Variants in ULK4 observed in about 807,000 individuals in gnomAD.
ULK4 encodes the protein unc-51 like kinase 4.
A neutral mutation model predicts 160.6 loss-of-function variants in ULK4; 133 were observed. That is an observed-to-expected ratio of 0.83 (90% CI 0.72 to 0.96). The LOEUF is 0.96. ULK4 is among the 40% of genes least tolerant of loss of function. The pLI is 0.00. For missense variants in ULK4, 1,580 were observed against 1,499.5 expected, an observed-to-expected ratio of 1.05 and a Z score of -0.89; for synonymous variants, 534 against 539.8, an observed-to-expected ratio of 0.99 and a Z score of 0.15.
intron 34 of ULK4, among the ~76,000 whole-genome samples, chr3:41,441,548 T>TTTAC (rs2083169667): frequency 6.6e-6 from 1 of 152,142 alleles, no homozygotes; most frequent in African/African-American, 2.4e-5. Flanking sequence ...TTTACATATG[T>TTTAC]ATAAATTTAT....
intron 36 of ULK4, 119 bp downstream of exon 36, chr3:41,249,370 G>A (rs2078701891): frequency 2.2e-6 from 2 of 898,584 alleles, no homozygotes; most frequent in African/African-American, 1.7e-5. Flanking sequence ...GGACAGTGAT[G>A]GGCTGGAAGG....
At chr3:41,816,936 C>G (rs532389836) in intron 19 of ULK4, among the ~76,000 whole-genome samples, 1 of 152,164 alleles carries the variant, frequency 6.6e-6, no homozygotes, top group Non-Finnish European at 1.5e-5. Context: ...TGCGCACACA[C>G]AGAGCCCAGA....
intron 21 of ULK4, among the ~76,000 whole-genome samples, chr3:41,763,447 G>A (rs1324408495): frequency 6.6e-6 from 1 of 152,096 alleles, no homozygotes; most frequent in East Asian, 1.9e-4. Context: ...AGATAGCAAA[G>A]ATAAACAAGA....
chr3:41,514,160 T>C (rs2085676359), intron 32 of ULK4, among the ~76,000 whole-genome samples: 1 of 152,014 alleles, frequency 6.6e-6, no homozygotes, highest in African/African-American at 2.4e-5. Flanking sequence ...GAGGAAGAGG[T>C]AGATTTTGCT....
At chr3:41,680,434 G>A (rs2035887722) in intron 29 of ULK4, among the ~76,000 whole-genome samples, 2 of 152,132 alleles carry the variant, frequency 1.3e-5, no homozygotes, top group African/African-American at 2.4e-5. Flanking sequence ...GGCTCCCCCA[G>A]AGAGCCAAAG....
chr3:41,312,267 G>A (rs75863460), intron 35 of ULK4, among the ~76,000 whole-genome samples: 3,325 of 152,070 alleles, frequency 0.022, 85 homozygotes, highest in African/African-American at 0.068. Flanking sequence ...GAGCCACCAC[G>A]CCAGGCTGAA....
chr3:41,574,280 G>T (rs1474008047), intron 31 of ULK4, among the ~76,000 whole-genome samples: 7 of 151,988 alleles, frequency 4.6e-5, no homozygotes, highest in African/African-American at 1.7e-4. Flanking sequence ...CTTTCAATTG[G>T]AGGTCCCACA....
At chr3:41,680,176 A>G (rs943452044) in intron 29 of ULK4, among the ~76,000 whole-genome samples, 18 of 152,274 alleles carry the variant, frequency 1.2e-4, no homozygotes, top group East Asian at 3.8e-4. Flanking sequence ...TTGAATTCAC[A>G]TAAGTATAGA....
At chr3:41,767,619 T>C (rs918238092) in intron 21 of ULK4, among the ~76,000 whole-genome samples, 2 of 152,132 alleles carry the variant, frequency 1.3e-5, no homozygotes, top group Non-Finnish European at 2.9e-5. Flanking sequence ...ATATTCATAA[T>C]TGAGCCATGC....
chr3:41,431,411 ACAATAT>A (rs2125846580), intron 34 of ULK4, among the ~76,000 whole-genome samples: 1 of 150,334 alleles, frequency 6.7e-6, no homozygotes, highest in South Asian at 2.1e-4. Flanking sequence ...CCTACCAATA[ACAATAT>A]AGCAAAGAGA....
intron 25 of ULK4, among the ~76,000 whole-genome samples, chr3:41,707,592 G>A (rs554158228): frequency 2.8e-4 from 42 of 152,190 alleles, no homozygotes; most frequent in Admixed American, 2.7e-3. Flanking sequence ...AGCACTGTGA[G>A]AGGCCAAATC....
intron 35 of ULK4, among the ~76,000 whole-genome samples, chr3:41,394,768 G>A (rs764399952): frequency 2.0e-5 from 3 of 152,046 alleles, no homozygotes; most frequent in Non-Finnish European, 2.9e-5. Context: ...TGAGTTGACT[G>A]GGGCCCCTAG....
At chr3:41,942,573 T>C (rs1699992098) in intron 2 of ULK4, among the ~76,000 whole-genome samples, 1 of 152,048 alleles carries the variant, frequency 6.6e-6, no homozygotes, top group African/African-American at 2.4e-5. Context: ...ATGCCAGCAC[T>C]TTGGGAGGCC....
intron 30 of ULK4, among the ~76,000 whole-genome samples, chr3:41,632,372 T>C (rs1246816072): frequency 1.3e-5 from 2 of 152,236 alleles, no homozygotes; most frequent in African/African-American, 2.4e-5. Flanking sequence ...TAAAGTAATT[T>C]TTTTGGTCCG....
chr3:41,456,423 A>G (rs1201670773), intron 33 of ULK4, among the ~76,000 whole-genome samples: 3 of 152,180 alleles, frequency 2.0e-5, no homozygotes, highest in Admixed American at 6.5e-5. Context: ...TTCCTTCTCT[A>G]TATGCATACA....
chr3:41,376,243 T>TA (rs2081490879), intron 35 of ULK4, among the ~76,000 whole-genome samples: 1 of 150,082 alleles, frequency 6.7e-6, no homozygotes. Flanking sequence ...GAACTAGAAA[T>TA]ACCATTTGAC....
intron 29 of ULK4, among the ~76,000 whole-genome samples, chr3:41,681,273 C>T (rs1487141472): frequency 6.6e-6 from 1 of 152,016 alleles, no homozygotes; most frequent in Non-Finnish European, 1.5e-5. Flanking sequence ...ATGTTTCTGG[C>T]AAAAAACAGA....
At chr3:41,664,689 G>C (rs1361944061) in intron 29 of ULK4, among the ~76,000 whole-genome samples, 6 of 152,100 alleles carry the variant, frequency 3.9e-5, no homozygotes, top group Admixed American at 3.9e-4. Flanking sequence ...TGACAGCCAA[G>C]TTCCTAGATG....
intron 18 of ULK4, among the ~76,000 whole-genome samples, chr3:41,834,070 A>G (rs759434405): frequency 2.6e-4 from 40 of 151,176 alleles, no homozygotes; most frequent in Non-Finnish European, 5.0e-4. Context: ...TAAATTACAC[A>G]TAATTATAAT....
Sources: gnomAD v4.1 joint callset for allele counts (sites outside exome capture counted in the v4.1 genomes callset) on GRCh38, gnomAD v4.1.1 for gene constraint, MANE v1.5 for transcripts, NCBI Gene and HGNC (gene_info 2026-07-23, HGNC 2026-07-21) for gene names.